Variants in PANK1 observed in about 807,000 individuals in gnomAD.
PANK1 encodes the protein pantothenate kinase 1.
A neutral mutation model predicts 40.1 loss-of-function variants in PANK1; 18 were observed. The observed-to-expected ratio is 0.45, with a 90% CI of 0.31 to 0.67. The LOEUF is 0.67. Ranked by LOEUF, PANK1 falls within the 30% of genes least tolerant of loss-of-function variation. PANK1 has a pLI of 0.06. For synonymous variants in PANK1, 242 were observed against 237.7 expected (o/e 1.02, Z -0.17); for missense variants, 457 against 599.6 (o/e 0.76, Z 2.48).
chr10:89,595,834 ATATATATAT>A (rs1357945468), intron 3 of PANK1, among the ~76,000 whole-genome samples: 4,714 of 44,192 alleles, frequency 0.11, 313 homozygotes, highest in Admixed American at 0.13. Context: ...AAAAAAAAAA[ATATATATAT>A]ATATATATAT....
chr10:89,643,931 A>C, intron 1 of PANK1: 59 of 1,201,928 alleles, frequency 4.9e-5, no homozygotes, highest in South Asian at 3.2e-4. Flanking sequence ...CCTCAACTCA[A>C]CCTCCCCCTT....
chr10:89,633,085 G>T (rs948182203), intron 1 of PANK1, among the ~76,000 whole-genome samples: 3 of 151,962 alleles, frequency 2.0e-5, no homozygotes, highest in Non-Finnish European at 4.4e-5. Context: ...TTAACAACTG[G>T]TTCTCTGAAA....
At chr10:89,639,594 T>G (rs1349292911) in intron 1 of PANK1, among the ~76,000 whole-genome samples, 1 of 152,178 alleles carries the variant, frequency 6.6e-6, no homozygotes, top group Non-Finnish European at 1.5e-5. Context: ...AAGGCTTCAT[T>G]GCTAGTAAGT....
rs749421628 is a variant in PANK1 at position 89,641,664 on chromosome 10, G to A, written c.292+2936C>T. ...GGAGAATGGCGTGAAGCCAGGAGGC[G>A]GAGCTTGCAGTGAGCCAAGATCGTG... On this transcript the variant is annotated intron_variant, in intron 1 of 6. Coordinates refer to ENST00000307534, the MANE Select transcript of PANK1 (RefSeq NM_148977.3). Among the ~76,000 whole-genome samples the A allele has an allele frequency of 7.5e-5, 11 of 147,458 alleles. No individual in the cohort carries two copies. The East Asian group carries it at 1.1e-3, about 14-fold the overall frequency.
intron 1 of PANK1, among the ~76,000 whole-genome samples, chr10:89,626,914 T>C (rs1845676441): frequency 6.6e-6 from 1 of 152,178 alleles, no homozygotes; most frequent in African/African-American, 2.4e-5. Flanking sequence ...CTAAGGATAC[T>C]GTTATCAATT....
chr10:89,618,810 A>G (rs1845394990), intron 1 of PANK1, among the ~76,000 whole-genome samples: 1 of 152,264 alleles, frequency 6.6e-6, no homozygotes, highest in African/African-American at 2.4e-5. Flanking sequence ...GCAAAAATTA[A>G]GACAATTGTT....
intron 5 of PANK1, among the ~76,000 whole-genome samples, chr10:89,591,985 A>C (rs1225925925): frequency 1.3e-5 from 2 of 152,200 alleles, no homozygotes; most frequent in Non-Finnish European, 2.9e-5. Flanking sequence ...AGTACAGCCA[A>C]CTACACACAT....
intron 6 of PANK1, among the ~76,000 whole-genome samples, chr10:89,587,122 CAAAAAAAA>C (rs368375029): frequency 7.7e-6 from 1 of 129,674 alleles, no homozygotes; most frequent in Non-Finnish European, 1.7e-5. Context: ...GACTCTGTCT[CAAAAAAAA>C]AAAAGAAACT....
At chr10:89,590,465 G>C (rs1415528340) in intron 5 of PANK1, among the ~76,000 whole-genome samples, 2 of 152,054 alleles carry the variant, frequency 1.3e-5, no homozygotes, top group Non-Finnish European at 2.9e-5. Context: ...ATGTAAATTA[G>C]AACCACCTTT....
intron 5 of PANK1, among the ~76,000 whole-genome samples, chr10:89,592,187 C>T (rs569729210): frequency 6.6e-6 from 1 of 152,282 alleles, no homozygotes; most frequent in East Asian, 1.9e-4. Flanking sequence ...AAAGGTATAT[C>T]GCTGATCTGC....
rs7896981 is a variant in PANK1, at chr10:89,589,040, G to A, written c.1201-263C>T. 4.3e-3 allele frequency among the ~76,000 whole-genome samples: 660 copies of A among 152,202 alleles called. 1 individual carries two copies. Among genetic ancestry groups the A allele is most frequent in the African/African-American group, 0.014 (598 of 41,528 alleles). ...CAGGTGTTATGTCAGACTGCCTTAC[G>A]TCTGACATTAAGCTCTCAAAACATA... On this transcript the variant is annotated intron_variant, in intron 5 of 6. Coordinates refer to ENST00000307534, the MANE Select transcript of PANK1 (RefSeq NM_148977.3).
At position 89,611,751 on chromosome 10, in the gene PANK1, G is replaced by C; in HGVS notation, c.590C>G (p.Thr197Ser). ...GSEKNFSSLH[T>S]TLCATGGGAF... ...CCCGCCTCCTGTGGCACAGAGGGTG[G>C]TGTGAAGGCTAGAGAAGTTCTTCTC... The change falls in exon 2 of 7, where the codon ACC (threonine) becomes AGC (serine). Residue 197 changes from threonine (T) to serine (S), a missense_variant. Physicochemically the swap from Thr to Ser is moderately conservative, Grantham distance 58 (BLOSUM62 1). Around this residue, in one of 4 missense-constraint regions of PANK1, gnomAD observed 286 missense variants for 415.8 expected, o/e 0.69. Transcript: ENST00000307534. The C allele has an allele frequency of 1.2e-6, 2 of 1,614,126 alleles. No homozygotes were observed. The highest frequency in any genetic ancestry group is 1.1e-5 in the South Asian group (1 of 91,074).
intron 1 of PANK1, among the ~76,000 whole-genome samples, chr10:89,634,025 C>A (rs1841730852): frequency 6.6e-6 from 1 of 152,114 alleles, no homozygotes; most frequent in Non-Finnish European, 1.5e-5. Flanking sequence ...TCTTTAAATA[C>A]CTCGTGAGCT....
rs142082117 is a variant in PANK1 at position 89,633,170 on chromosome 10, G to A, written c.292+11430C>T. On this transcript the variant is annotated intron_variant, in intron 1 of 6. Coordinates refer to ENST00000307534, the MANE Select transcript of PANK1 (RefSeq NM_148977.3). ...ATATATCCATGATGGCCAGTTTCAA[G>A]TTATCAGCATAAGGATACTGAAATG... is the stretch of plus-strand genomic sequence containing the variant. Among the ~76,000 whole-genome samples, 518 of 152,128 alleles carry A rather than the reference G, an allele frequency of 3.4e-3. 5 individuals are homozygous for A. Among genetic ancestry groups the A allele is most frequent in the Non-Finnish European group, 6.2e-3 (423 of 68,002 alleles).
chr10:89,634,346 C>T (rs1443451638), intron 1 of PANK1, among the ~76,000 whole-genome samples: 1 of 152,142 alleles, frequency 6.6e-6, no homozygotes, highest in Admixed American at 6.5e-5. Context: ...AGCTACAATT[C>T]AGAAGTTCAT....
At position 89,611,828 on chromosome 10, in the gene PANK1, G is replaced by A. The variant is rs1261753373; in HGVS notation, c.513C>T (p.His171=). ...TAGCACAGCTGGGAAAGCGGATGAA[G>A]TGCAGGTTCCCTTTGCGTCCACACA... ...LTMCGRKGNL[H]FIRFPSCAMH... The change falls in exon 2 of 7, where the codon CAC becomes CAT. Residue 171 remains histidine (H), a synonymous_variant. Transcript: ENST00000307534. The A allele has an allele frequency of 3.1e-6, 5 of 1,614,110 alleles. No homozygotes were observed. The highest frequency in any genetic ancestry group is 3.4e-6 in the Non-Finnish European group (4 of 1,180,050).
In PANK1 at chr10:89,584,368, C is replaced by T; in HGVS notation, c.*38G>A. On this transcript the variant is annotated 3_prime_UTR_variant, in exon 7 of 7. Transcript: ENST00000307534. ...TCTCCAGCAGCAATTTTTTAGTTCT[C>T]TGTCCTTTTGGGAGGCTGTTTCCTC... is the stretch of plus-strand genomic sequence containing the variant. 1 of 1,434,886 alleles carries T rather than the reference C, an allele frequency of 7.0e-7. No individual in the cohort carries two copies. Among genetic ancestry groups the T allele is most frequent in the Non-Finnish European group, 9.8e-7 (1 of 1,017,308 alleles). 88.9% of individuals were successfully genotyped at this position (1,434,886 alleles called of 1,614,324 possible).
chr10:89,629,418 T>C (rs567420978), intron 1 of PANK1, among the ~76,000 whole-genome samples: 1 of 152,356 alleles, frequency 6.6e-6, no homozygotes, highest in Non-Finnish European at 1.5e-5. Flanking sequence ...CTTTATAAAA[T>C]ATAAATATGA....
At position 89,631,695 on chromosome 10, in the gene PANK1, G is replaced by A. The variant is rs538320808; in HGVS notation, c.292+12905C>T. On this transcript the variant is annotated intron_variant, in intron 1 of 6. Coordinates refer to ENST00000307534, the MANE Select transcript of PANK1 (RefSeq NM_148977.3). ...ATTCCAAAGCAGCTTTTTGGCACAG[G>A]ACTATTTCAAGAATGAGGTTTCAAA... is the stretch of plus-strand genomic sequence containing the variant. Among the ~76,000 whole-genome samples the A allele has an allele frequency of 4.6e-5, 7 of 152,252 alleles. No individual in the cohort carries two copies. The South Asian group carries it at 1.5e-3, about 32-fold the overall frequency.
Sources: allele counts gnomAD v4.1 joint callset (sites outside exome capture counted in the v4.1 genomes callset), GRCh38; gene constraint gnomAD v4.1.1; regional missense constraint gnomAD v4.1.1; transcripts MANE v1.5; gene names NCBI Gene and HGNC (gene_info 2026-07-23, HGNC 2026-07-21).